UBE2V1: variants seen among roughly 807,000 people sequenced by gnomAD.
UBE2V1 encodes the protein ubiquitin conjugating enzyme E2 V1, also known as ubiquitin-conjugating enzyme E2 variant 1.
In UBE2V1, 15 loss-of-function variants were observed where a neutral mutation model predicts 19.6. That is an observed-to-expected ratio of 0.77 (90% CI 0.51 to 1.18). The LOEUF (loss-of-function observed/expected upper bound fraction) is 1.18, where lower values mean the gene tolerates loss of function less well. Ranked by LOEUF, UBE2V1 falls within the 50% of genes most tolerant of loss-of-function variation. The probability of loss-of-function intolerance (pLI) is 0.00; values close to 1 mark genes in which losing one functional copy is unlikely to be tolerated. For missense variants in UBE2V1, 125 were observed against 184.8 expected (o/e 0.68, Z 1.88); for synonymous variants, 60 against 60.7 (o/e 0.99, Z 0.05).
chr20:50,107,215 G>A (rs1374571851), intron 1 of UBE2V1, among the ~76,000 whole-genome samples: 2 of 152,136 alleles, frequency 1.3e-5, no homozygotes, highest in African/African-American at 2.4e-5. Context: ...TCGCAAACTC[G>A]CTAGAAATGT....
intron 1 of UBE2V1, among the ~76,000 whole-genome samples, chr20:50,106,360 A>T (rs556306107): frequency 1.3e-5 from 2 of 152,244 alleles, no homozygotes; most frequent in African/African-American, 4.8e-5. Flanking sequence ...GCTTTACACC[A>T]TGCCACAGTA....
intron 1 of UBE2V1, 54 bp downstream of exon 1, chr20:50,113,053 C>T: frequency 1.2e-6 from 1 of 811,278 alleles, no homozygotes; most frequent in South Asian, 3.2e-5. Context: ...GGTCCCCGGC[C>T]CCCGGCCCAA....
chr20:50,100,888 A>G (rs1424753286), intron 1 of UBE2V1, among the ~76,000 whole-genome samples: 1 of 152,248 alleles, frequency 6.6e-6, no homozygotes, highest in Admixed American at 6.5e-5. Flanking sequence ...AAATATCACA[A>G]GCTTGTTGCT....
At chr20:50,105,120 A>T (rs1019929920) in intron 1 of UBE2V1, among the ~76,000 whole-genome samples, 1 of 152,228 alleles carries the variant, frequency 6.6e-6, no homozygotes, top group African/African-American at 2.4e-5. Context: ...CACATAAGTC[A>T]AAGAATTCTT....
At chr20:50,094,497 G>C (rs2079507900) in intron 2 of UBE2V1, among the ~76,000 whole-genome samples, 1 of 151,388 alleles carries the variant, frequency 6.6e-6, no homozygotes, top group Non-Finnish European at 1.5e-5. Flanking sequence ...TCAACAAATG[G>C]AAAAACAAAA....
chr20:50,085,051 C>T (rs1032345021), intron 2 of UBE2V1, among the ~76,000 whole-genome samples: 1 of 151,758 alleles, frequency 6.6e-6, no homozygotes, highest in African/African-American at 2.4e-5. Context: ...CCACCATGGC[C>T]GGGTAATTTT....
At chr20:50,090,529 G>C (rs2079158959) in intron 2 of UBE2V1, among the ~76,000 whole-genome samples, 1 of 150,958 alleles carries the variant, frequency 6.6e-6, no homozygotes, top group Non-Finnish European at 1.5e-5. Flanking sequence ...TGAGCCTGAA[G>C]GACATTATGC....
chr20:50,084,000 C>T, intron 3 of UBE2V1, 129 bp downstream of exon 3: 1 of 1,428,294 alleles, frequency 7.0e-7, no homozygotes. Context: ...TGCTCCTATG[C>T]ACAGTGATAC....
intron 1 of UBE2V1, chr20:50,108,849 G>C (rs1004399066): frequency 1.0e-5 from 8 of 780,166 alleles, no homozygotes; most frequent in African/African-American, 3.8e-5. Context: ...GACAAACAGT[G>C]GCCAGAGATG....
chr20:50,081,225 A>G lies in UBE2V1; in HGVS notation c.*1543T>C, dbSNP rs1189876483. ...AATACTGTTATGTTAAACTTCACTTACAGGATGTTAAATCCTTAGAACTAA... is the reference window on the plus strand; with the variant it reads ...AATACTGTTATGTTAAACTTCACTTGCAGGATGTTAAATCCTTAGAACTAA... On this transcript the variant is annotated 3_prime_UTR_variant, in exon 4 of 4. Transcript: ENST00000371674. The G allele has an allele frequency of 6.6e-6, 1 of 152,282 alleles. No individual in the cohort carries two copies. The highest frequency in any genetic ancestry group is 1.5e-5 in the Non-Finnish European group (1 of 68,030). 9.4% of individuals were successfully genotyped at this position (152,282 alleles called of 1,614,324 possible).
intron 1 of UBE2V1, 148 bp downstream of exon 1, chr20:50,112,959 G>C (rs529995582): frequency 1.0e-5 from 4 of 385,746 alleles, no homozygotes; most frequent in East Asian, 7.7e-5. Context: ...CTCCTCCCCC[G>C]GTCAGGCCGC....
At chr20:50,114,388 C>A (rs2080946356), upstream of UBE2V1, among the ~76,000 whole-genome samples, 1 of 152,304 alleles carries the variant, frequency 6.6e-6, no homozygotes, top group African/African-American at 2.4e-5. Flanking sequence ...CTTTATCTCC[C>A]ACTTGGAAGA....
Position 50,090,792 on chromosome 20 carries a change from A to G in UBE2V1, c.171+5880T>C, listed in dbSNP as rs560169083. ...AAATTTGGTAAAAGAGTAGATCTTA[A>G]GTGTCCTTACCACAGACACACAAGG... is the stretch of plus-strand genomic sequence containing the variant. On this transcript the variant is annotated intron_variant, in intron 2 of 3. Coordinates refer to ENST00000371674, the MANE Select transcript of UBE2V1 (RefSeq NM_001032288.3). Among the ~76,000 whole-genome samples, 48 of 152,252 alleles carry G rather than the reference A, an allele frequency of 3.2e-4. No homozygotes were observed. The South Asian group carries it at 9.7e-3, about 31-fold the overall frequency.
chr20:50,112,573 C>T (rs562618188), intron 1 of UBE2V1, among the ~76,000 whole-genome samples: 2 of 152,322 alleles, frequency 1.3e-5, no homozygotes, highest in South Asian at 4.1e-4. Flanking sequence ...CTAAAACTAA[C>T]GCCGGAGCCG....
intron 1 of UBE2V1, among the ~76,000 whole-genome samples, chr20:50,109,439 T>C (rs1482713623): frequency 6.6e-6 from 1 of 151,994 alleles, no homozygotes; most frequent in Admixed American, 6.6e-5. Flanking sequence ...AAATTAACCT[T>C]GGTAATCCCT....
At chr20:50,091,037 T>C (rs1246275394) in intron 2 of UBE2V1, among the ~76,000 whole-genome samples, 1 of 152,080 alleles carries the variant, frequency 6.6e-6, no homozygotes, top group African/African-American at 2.4e-5. Context: ...CTATATACTC[T>C]GTATTGTTGG....
intron 1 of UBE2V1, among the ~76,000 whole-genome samples, chr20:50,102,692 G>A (rs192370292): frequency 1.6e-4 from 24 of 152,172 alleles, no homozygotes; most frequent in Admixed American, 4.6e-4. Flanking sequence ...GTGCTCGGCC[G>A]ACGATCCTCT....
intron 1 of UBE2V1, among the ~76,000 whole-genome samples, chr20:50,110,948 A>C (rs2080712810): frequency 6.6e-6 from 1 of 152,056 alleles, no homozygotes; most frequent in African/African-American, 2.4e-5. Flanking sequence ...CACTTTCCTG[A>C]CCACCTCTCC....
At chr20:50,104,525 C>T (rs1484042834) in intron 1 of UBE2V1, 6 of 207,538 alleles carry the variant, frequency 2.9e-5, no homozygotes, top group African/African-American at 7.2e-5. Flanking sequence ...GGCAAGGTGG[C>T]GGCTGCCTGT....
Sources: gnomAD v4.1 joint callset for allele counts (sites outside exome capture counted in the v4.1 genomes callset) on GRCh38, gnomAD v4.1.1 for gene constraint, MANE v1.5 for transcripts, NCBI Gene and HGNC (gene_info 2026-07-23, HGNC 2026-07-21) for gene names.